Variants in INAFM1 observed in about 807,000 individuals in gnomAD.
INAFM1 encodes putative transmembrane protein INAFM1.
Under a neutral mutation model 9.4 loss-of-function variants are expected in INAFM1, and 11 were observed. The observed-to-expected ratio is 1.17, with a 90% confidence interval of 0.74 to 1.94. The LOEUF (loss-of-function observed/expected upper bound fraction) is 1.94. Ranked by LOEUF, INAFM1 falls within the 30% of genes most tolerant of loss-of-function variation. The pLI is 0.00. For missense variants in INAFM1, 318 were observed against 221.6 expected, an observed-to-expected ratio of 1.44 and a Z score of -2.76; for synonymous variants, 161 against 109.5, an observed-to-expected ratio of 1.47 and a Z score of -2.94.
At chr19:47,274,840 G>T (rs1481366642), upstream of INAFM1, 46 of 915,192 alleles carry the variant, frequency 5.0e-5, 2 homozygotes, top group Non-Finnish European at 4.4e-5. Flanking sequence ...AGAGAGCGGG[G>T]CGGTCTGCGG....
chr19:47,274,717 C>T (rs1159630662), upstream of INAFM1: 1 of 235,642 alleles, frequency 4.2e-6, no homozygotes, highest in Non-Finnish European at 7.0e-6. Context: ...GTAGCACCTC[C>T]GCCTGTCGGT....
rs1305512533 is a variant in INAFM1, at chr19:47,275,071, A to G, written c.152A>G (p.Tyr51Cys). 2.0e-6 allele frequency: 3 copies of G among 1,496,484 alleles called. No homozygotes were observed. Among genetic ancestry groups the G allele is most frequent in the Non-Finnish European group, 2.7e-6 (3 of 1,126,656 alleles). 92.7% of individuals were successfully genotyped at this position (1,496,484 alleles called of 1,614,324 possible). A position where few individuals can be genotyped will look rare whatever the true frequency, so the allele number is the denominator to read the frequency against. Residue 51 changes from tyrosine (Y) to cysteine (C), a missense_variant, in exon 1 of 1, where the codon TAC (tyrosine) becomes TGC (cysteine). Tyr to Cys is a radical substitution (Grantham distance 194). Coordinates refer to ENST00000552360, the MANE Select transcript of INAFM1 (RefSeq NM_178511.6). ...GCTGCCGTGCTGCTCGCCGTGTACT[A>G]CGGTCTCATCTGGGTACCCACGCGG... ...SLAAVLLAVYYGLIWVPTRSP... is the reference protein window; with the variant it reads ...SLAAVLLAVYCGLIWVPTRSP...
rs873360 is a variant in INAFM1, at chr19:47,275,332, G to A, written c.413G>A (p.Gly138Glu). ...TPRETPEAAEGRRPG is the reference protein window; with the variant it reads ...TPRETPEAAEERRPG ...AGAGAGACGCCAGAGGCCGCGGAGG[G>A]GCGAAGACCCGGGTAACTCTCCCTT... is the stretch of plus-strand genomic sequence containing the variant. The change falls in exon 1 of 1, where the codon GGG becomes GAG. Residue 138 changes from glycine (G) to glutamate (E), a missense_variant. Transcript: ENST00000552360. The A allele has an allele frequency of 1.9e-3, 2,862 of 1,545,558 alleles. 44 individuals carry two copies. In the African/African-American group the frequency reaches 0.034, roughly 18 times the overall value.
upstream of INAFM1, chr19:47,274,826 G>A (rs1328614788): frequency 1.1e-6 from 1 of 901,840 alleles, no homozygotes; most frequent in Non-Finnish European, 1.3e-6. Context: ...GAGGCGGGCG[G>A]TTTAGAGAGC....
chr19:47,274,980 G>T lies in INAFM1; in HGVS notation c.61G>T (p.Glu21Ter), dbSNP rs762385864. 1 of 1,462,340 alleles carries T rather than the reference G, an allele frequency of 6.8e-7. No individual in the cohort carries two copies. The highest frequency in any genetic ancestry group is 9.0e-7 in the Non-Finnish European group (1 of 1,110,984). 90.6% of individuals were successfully genotyped at this position (1,462,340 alleles called of 1,614,324 possible). ...AESPGGAGLS[E>*]GPRGRWLRLA... ...GAGCCCCGGAGGCGCGGGGCTGAGC[G>T]AGGGCCCGCGGGGGCGCTGGCTGCG... Residue 21 changes from glutamate to a stop codon, truncating the protein, a stop_gained, in exon 1 of 1, where the codon GAG becomes TAG. Coordinates refer to ENST00000552360, the MANE Select transcript of INAFM1 (RefSeq NM_178511.6). LOFTEE classifies it high-confidence loss of function.
In INAFM1 at chr19:47,275,437, T is replaced by C. The variant is rs906794635; in HGVS notation, c.*89T>C. The C allele has an allele frequency of 1.1e-5, 16 of 1,436,998 alleles. No individual in the cohort carries two copies. The highest frequency in any genetic ancestry group is 1.5e-5 in the Non-Finnish European group (16 of 1,087,664). 89.0% of individuals were successfully genotyped at this position (1,436,998 alleles called of 1,614,324 possible). A position where few individuals can be genotyped will look rare whatever the true frequency, so the allele number is the denominator to read the frequency against. On this transcript the variant is annotated 3_prime_UTR_variant, in exon 1 of 1. Transcript: ENST00000552360. ...GCACCGTCTCTGGATTGGTCCGGCC[T>C]TCTTCCTAATGACATCGCTCAGCGT...
Position 47,275,139 on chromosome 19 carries a change from C to G in INAFM1, c.220C>G (p.Pro74Ala), listed in dbSNP as rs1182643063. The G allele has an allele frequency of 1.3e-6, 2 of 1,488,708 alleles. No individual in the cohort carries two copies. The highest frequency in any genetic ancestry group is 2.3e-5 in the Admixed American group (1 of 43,494). 92.2% of individuals were successfully genotyped at this position (1,488,708 alleles called of 1,614,324 possible). A position where few individuals can be genotyped will look rare whatever the true frequency, so the allele number is the denominator to read the frequency against. ...CGGCCCACAGCCCAGCGCGCCGTCC[C>G]CTCCGTGTGCTGCCCGCCCGGGCGT... ...PAGPQPSAPSPPCAARPGVPP... is the reference protein window; with the variant it reads ...PAGPQPSAPSAPCAARPGVPP... Residue 74 changes from proline to alanine, a missense_variant, in exon 1 of 1, where the codon CCT becomes GCT. Pro to Ala is a conservative substitution (Grantham distance 27). Transcript: ENST00000552360.
rs759307056 is a variant in INAFM1, at chr19:47,275,027, C to A, written c.108C>A (p.Tyr36Ter). The A allele has an allele frequency of 6.7e-7, 1 of 1,488,414 alleles. No homozygotes were observed. Among genetic ancestry groups the A allele is most frequent in the South Asian group, 1.3e-5 (1 of 79,032 alleles). 92.2% of individuals were successfully genotyped at this position (1,488,414 alleles called of 1,614,324 possible). The change falls in exon 1 of 1, where the codon TAC becomes TAA. Residue 36 changes from tyrosine to a stop codon, truncating the protein, a stop_gained. Transcript: ENST00000552360. LOFTEE classifies it high-confidence loss of function. The part of the protein sequence containing the change: ...RWLRLAPVCA[Y>*]FLCVSLAAVL... ...TGCGCTTGGCTCCGGTATGCGCCTACTTCCTCTGCGTCTCGCTAGCTGCCG... is the reference window on the plus strand; with the variant it reads ...TGCGCTTGGCTCCGGTATGCGCCTAATTCCTCTGCGTCTCGCTAGCTGCCG...
Position 47,275,417 on chromosome 19 carries a change from G to T in INAFM1, c.*69G>T. On this transcript the variant is annotated 3_prime_UTR_variant, in exon 1 of 1. Transcript: ENST00000552360. ...CTGTGCTCCACGCCGAGGATGCACCGTCTCTGGATTGGTCCGGCCTTCTTC... is the reference window on the plus strand; with the variant it reads ...CTGTGCTCCACGCCGAGGATGCACCTTCTCTGGATTGGTCCGGCCTTCTTC... The T allele has an allele frequency of 6.7e-7, 1 of 1,487,304 alleles. No individual in the cohort carries two copies. The highest frequency in any genetic ancestry group is 9.0e-7 in the Non-Finnish European group (1 of 1,115,986). The allele number at this position is 1,487,304 out of a possible 1,614,324, so 92.1% of individuals were successfully genotyped here. A position where few individuals can be genotyped will look rare whatever the true frequency, so the allele number is the denominator to read the frequency against.
Position 47,275,072 on chromosome 19 carries a change from C to T in INAFM1, c.153C>T (p.Tyr51=). The change falls in exon 1 of 1, where the codon TAC becomes TAT. Residue 51 remains tyrosine, a synonymous_variant. Coordinates refer to ENST00000552360, the MANE Select transcript of INAFM1 (RefSeq NM_178511.6). ...SLAAVLLAVY[Y]GLIWVPTRSP... ...CTGCCGTGCTGCTCGCCGTGTACTA[C>T]GGTCTCATCTGGGTACCCACGCGGT... 6.7e-7 allele frequency: 1 copy of T among 1,496,654 alleles called. No individual in the cohort carries two copies. Among genetic ancestry groups the T allele is most frequent in the Non-Finnish European group, 8.9e-7 (1 of 1,126,648 alleles). The allele number at this position is 1,496,654 out of a possible 1,614,324, so 92.7% of individuals were successfully genotyped here.
In INAFM1 at chr19:47,275,006, C is replaced by G. The variant is rs2059148163; in HGVS notation, c.87C>G (p.Arg29=). 1 of 1,477,262 alleles carries G rather than the reference C, an allele frequency of 6.8e-7. No individual in the cohort carries two copies. The highest frequency in any genetic ancestry group is 1.5e-5 in the African/African-American group (1 of 68,244). 91.5% of individuals were successfully genotyped at this position (1,477,262 alleles called of 1,614,324 possible). A position where few individuals can be genotyped will look rare whatever the true frequency, so the allele number is the denominator to read the frequency against. ...LSEGPRGRWL[R]LAPVCAYFLC... ...AGGGCCCGCGGGGGCGCTGGCTGCGCTTGGCTCCGGTATGCGCCTACTTCC... is the reference window on the plus strand; with the variant it reads ...AGGGCCCGCGGGGGCGCTGGCTGCGGTTGGCTCCGGTATGCGCCTACTTCC... Residue 29 remains arginine (R), a synonymous_variant, in exon 1 of 1, where the codon CGC becomes CGG. Transcript: ENST00000552360.
At position 47,275,065 on chromosome 19, in the gene INAFM1, T is replaced by A. The variant is rs2059148898; in HGVS notation, c.146T>A (p.Val49Glu). The A allele has an allele frequency of 6.7e-7, 1 of 1,495,452 alleles. No homozygotes were observed. Among genetic ancestry groups the A allele is most frequent in the Non-Finnish European group, 8.9e-7 (1 of 1,126,078 alleles). The allele number at this position is 1,495,452 out of a possible 1,614,324, so 92.6% of individuals were successfully genotyped here. A position where few individuals can be genotyped will look rare whatever the true frequency, so the allele number is the denominator to read the frequency against. Residue 49 changes from valine to glutamate, a missense_variant, in exon 1 of 1, where the codon GTG (valine) becomes GAG (glutamate). Transcript: ENST00000552360. ...TCGCTAGCTGCCGTGCTGCTCGCCGTGTACTACGGTCTCATCTGGGTACCC... is the reference window on the plus strand; with the variant it reads ...TCGCTAGCTGCCGTGCTGCTCGCCGAGTACTACGGTCTCATCTGGGTACCC... The part of the protein sequence containing the change: ...CVSLAAVLLA[V>E]YYGLIWVPTR...
At position 47,275,144 on chromosome 19, in the gene INAFM1, G is replaced by C. The variant is rs1480227126; in HGVS notation, c.225G>C (p.Pro75=). The C allele has an allele frequency of 6.7e-7, 1 of 1,490,890 alleles. No individual in the cohort carries two copies. Among genetic ancestry groups the C allele is most frequent in the Non-Finnish European group, 8.9e-7 (1 of 1,124,436 alleles). 92.4% of individuals were successfully genotyped at this position (1,490,890 alleles called of 1,614,324 possible). Residue 75 remains proline (P), a synonymous_variant, in exon 1 of 1, where the codon CCG becomes CCC. Coordinates refer to ENST00000552360, the MANE Select transcript of INAFM1 (RefSeq NM_178511.6). Reference sequence around the variant, plus strand: ...CACAGCCCAGCGCGCCGTCCCCTCCGTGTGCTGCCCGCCCGGGCGTGCCGC... The same window carrying C: ...CACAGCCCAGCGCGCCGTCCCCTCCCTGTGCTGCCCGCCCGGGCGTGCCGC... ...AGPQPSAPSP[P]CAARPGVPPV...
chr19:47,274,632 T>C (rs1345667878), upstream of INAFM1: 15 of 174,032 alleles, frequency 8.6e-5, no homozygotes, highest in Non-Finnish European at 1.3e-4. Context: ...AAGAGAACCG[T>C]GTTGTGGCGG....
Position 47,274,967 on chromosome 19 carries a change from C to A in INAFM1, c.48C>A (p.Gly16=). The A allele has an allele frequency of 1.4e-6, 2 of 1,432,472 alleles. No homozygotes were observed. The highest frequency in any genetic ancestry group is 1.4e-5 in the South Asian group (1 of 72,924). 88.7% of individuals were successfully genotyped at this position (1,432,472 alleles called of 1,614,324 possible). Residue 16 remains glycine (G), a synonymous_variant, in exon 1 of 1, where the codon GGC becomes GGA. Transcript: ENST00000552360. ...CVGGGAESPG[G]AGLSEGPRGR... ...GCGGCGGCGCCGAGAGCCCCGGAGG[C>A]GCGGGGCTGAGCGAGGGCCCGCGGG...
rs994678722 is a variant in INAFM1 at position 47,275,439 on chromosome 19, C to T, written c.*91C>T. 11 of 1,429,388 alleles carry T rather than the reference C, an allele frequency of 7.7e-6. No individual in the cohort carries two copies. In the Admixed American group the frequency reaches 1.1e-4, roughly 15 times the overall value. The allele number at this position is 1,429,388 out of a possible 1,614,324, so 88.5% of individuals were successfully genotyped here. A position where few individuals can be genotyped will look rare whatever the true frequency, so the allele number is the denominator to read the frequency against. ...ACCGTCTCTGGATTGGTCCGGCCTT[C>T]TTCCTAATGACATCGCTCAGCGTCT... On this transcript the variant is annotated 3_prime_UTR_variant, in exon 1 of 1. Coordinates refer to ENST00000552360, the MANE Select transcript of INAFM1 (RefSeq NM_178511.6).
At chr19:47,274,571 C>G, upstream of INAFM1, 1 of 180,414 alleles carries the variant, frequency 5.5e-6, no homozygotes, top group Non-Finnish European at 1.1e-5. Context: ...GACGAGGGGG[C>G]GGGCTCCGAG....
chr19:47,275,249 G>T lies in INAFM1; in HGVS notation c.330G>T (p.Pro110=). 6.5e-7 allele frequency: 1 copy of T among 1,538,452 alleles called. No homozygotes were observed. The highest frequency in any genetic ancestry group is 1.4e-5 in the African/African-American group (1 of 71,300). Residue 110 remains proline (P), a synonymous_variant, in exon 1 of 1, where the codon CCG becomes CCT. Transcript: ENST00000552360. The part of the protein sequence containing the change: ...PGGPRPQLQL[P]LSRRRRYSDP... ...GGCCGCGACCCCAGCTCCAGCTGCC[G>T]CTGAGCCGCCGCCGCCGCTACAGCG...
In INAFM1 at chr19:47,275,349, C is replaced by T. The variant is rs1475471281; in HGVS notation, c.*1C>T. ...CGCGGAGGGGCGAAGACCCGGGTAA[C>T]TCTCCCTTCCACCCCAACCCGGATC... On this transcript the variant is annotated 3_prime_UTR_variant, in exon 1 of 1. Coordinates refer to ENST00000552360, the MANE Select transcript of INAFM1 (RefSeq NM_178511.6). The T allele has an allele frequency of 3.3e-6, 5 of 1,538,370 alleles. No homozygotes were observed. Among genetic ancestry groups the T allele is most frequent in the Non-Finnish European group, 4.4e-6 (5 of 1,141,368 alleles).
Sources: allele counts gnomAD v4.1 joint callset, GRCh38; gene constraint gnomAD v4.1.1; transcripts MANE v1.5; gene names NCBI Gene and HGNC (gene_info 2026-07-23, HGNC 2026-07-21).